STPG2: variants seen among roughly 807,000 people sequenced by gnomAD.
STPG2 encodes the protein sperm-tail PG-rich repeat-containing protein 2.
A neutral mutation model predicts 54.2 loss-of-function variants in STPG2; 56 were observed. The ratio of observed to expected loss-of-function variants is 1.03; its 90% CI spans 0.83 to 1.29. STPG2 has a LOEUF of 1.29. Among genes scored for constraint, STPG2 ranks in the 50% most tolerant of loss-of-function variants. STPG2 has a pLI of 0.00. For missense variants in STPG2, 596 were observed against 544.9 expected, an observed-to-expected ratio of 1.09 and a Z score of -0.93; for synonymous variants, 200 against 181.8, an observed-to-expected ratio of 1.10 and a Z score of -0.81.
chr4:97,964,283 CTG>C (rs1734005843), intron 7 of STPG2, among the ~76,000 whole-genome samples: 1 of 152,122 alleles, frequency 6.6e-6, no homozygotes, highest in South Asian at 2.1e-4. Context: ...GGGAGAAAAA[CTG>C]TGAGTTCTGG....
chr4:97,442,056 T>G (rs1729099313), intron 4 of STPG2, among the ~76,000 whole-genome samples: 2 of 151,970 alleles, frequency 1.3e-5, no homozygotes, highest in African/African-American at 4.8e-5. Flanking sequence ...ATACCTTTTT[T>G]TTCACTAAGC....
At chr4:97,850,465 T>G (rs887151077) in intron 8 of STPG2, among the ~76,000 whole-genome samples, 3 of 151,558 alleles carry the variant, frequency 2.0e-5, no homozygotes, top group Non-Finnish European at 4.4e-5. Flanking sequence ...CATTTTTTTT[T>G]GTTTTGTTTT....
intron 4 of STPG2, among the ~76,000 whole-genome samples, chr4:97,542,661 A>C (rs529344653): frequency 6.6e-6 from 1 of 152,334 alleles, no homozygotes; most frequent in East Asian, 1.9e-4. Flanking sequence ...CTATAAAGAC[A>C]CATGCACACG....
rs1284210510 is a variant in STPG2, at chr4:97,563,832, A to T, written c.1321-4715T>A. ...TTTGTTATAATTTCTGATCTTTTAC[A>T]TTTGCTGAGGAGAGCTTTACTTCTA... On this transcript the variant is annotated intron_variant, in intron 10 of 10. Transcript: ENST00000295268. Among the ~76,000 whole-genome samples the T allele has an allele frequency of 2.0e-5, 3 of 152,182 alleles. 1 individual carries two copies. The East Asian group carries it at 5.8e-4, about 29-fold the overall frequency.
intron 10 of STPG2, among the ~76,000 whole-genome samples, chr4:97,559,974 C>T (rs997480545): frequency 1.3e-5 from 2 of 152,100 alleles, no homozygotes; most frequent in Non-Finnish European, 2.9e-5. Context: ...GTCATTTGTC[C>T]TCCACAAGTC....
At chr4:97,904,806 G>GAA (rs1208577101) in intron 8 of STPG2, among the ~76,000 whole-genome samples, 13 of 152,334 alleles carry the variant, frequency 8.5e-5, no homozygotes, top group African/African-American at 3.1e-4. Context: ...ACTACGTGAA[G>GAA]AATGCAGAAG....
intron 9 of STPG2, among the ~76,000 whole-genome samples, chr4:97,748,172 TTTATTCTTA>T (rs1725477978): frequency 6.6e-6 from 1 of 151,478 alleles, no homozygotes; most frequent in South Asian, 2.1e-4. Flanking sequence ...ACCTGCCTCC[TTTATTCTTA>T]TTGCGGAATC....
At chr4:97,630,973 T>G (rs2148932599) in intron 10 of STPG2, among the ~76,000 whole-genome samples, 1 of 152,032 alleles carries the variant, frequency 6.6e-6, no homozygotes, top group Non-Finnish European at 1.5e-5. Context: ...TGTGGTTCTG[T>G]GATCAGATAA....
chr4:97,962,769 A>C (rs1733936936), intron 7 of STPG2, among the ~76,000 whole-genome samples: 1 of 152,242 alleles, frequency 6.6e-6, no homozygotes, highest in Non-Finnish European at 1.5e-5. Context: ...GCACGAGATC[A>C]GTGGCAGAGC....
At chr4:97,904,959 A>G (rs946298517) in intron 8 of STPG2, among the ~76,000 whole-genome samples, 1 of 152,084 alleles carries the variant, frequency 6.6e-6, no homozygotes, top group Non-Finnish European at 1.5e-5. Flanking sequence ...GACTATGTGA[A>G]AAGACAAAAT....
chr4:97,839,381 A>C (rs1282874689), intron 9 of STPG2, among the ~76,000 whole-genome samples: 2 of 151,642 alleles, frequency 1.3e-5, no homozygotes, highest in East Asian at 3.9e-4. Context: ...TGAAACTCTT[A>C]TTTTGCATTC....
At chr4:97,927,426 C>G (rs764843773) in intron 8 of STPG2, among the ~76,000 whole-genome samples, 4 of 152,090 alleles carry the variant, frequency 2.6e-5, no homozygotes, top group African/African-American at 4.8e-5. Flanking sequence ...GCCTTTCCCA[C>G]TAACCTGATA....
intron 4 of STPG2, among the ~76,000 whole-genome samples, chr4:97,506,434 G>A (rs918503237): frequency 2.6e-5 from 4 of 151,660 alleles, no homozygotes; most frequent in African/African-American, 9.7e-5. Context: ...GCAGAATAAA[G>A]GCAATTCCAG....
At chr4:97,679,140 C>G (rs1303525116) in intron 10 of STPG2, among the ~76,000 whole-genome samples, 1 of 152,086 alleles carries the variant, frequency 6.6e-6, no homozygotes, top group Non-Finnish European at 1.5e-5. Context: ...GGTATATACC[C>G]AGTAATGGGA....
intron 8 of STPG2, among the ~76,000 whole-genome samples, chr4:97,925,981 G>C (rs1732318901): frequency 6.6e-6 from 1 of 152,060 alleles, no homozygotes; most frequent in African/African-American, 2.4e-5. Flanking sequence ...TGATACCTTA[G>C]TGTTCCTTCA....
intron 10 of STPG2, among the ~76,000 whole-genome samples, chr4:97,702,984 G>A (rs1039417335): frequency 2.0e-5 from 3 of 152,090 alleles, no homozygotes; most frequent in Non-Finnish European, 4.4e-5. Flanking sequence ...TGCTTCTGAG[G>A]CTGGGAGTTA....
intron 9 of STPG2, among the ~76,000 whole-genome samples, chr4:97,726,533 G>C (rs938085412): frequency 2.5e-4 from 38 of 152,030 alleles, no homozygotes; most frequent in African/African-American, 6.7e-4. Flanking sequence ...AAATTAAAAA[G>C]TGACAAAATT....
intron 10 of STPG2, among the ~76,000 whole-genome samples, chr4:97,598,555 TA>T (rs35374576): frequency 1.4e-3 from 192 of 137,760 alleles, no homozygotes; most frequent in Middle Eastern, 7.5e-3. Context: ...ATGGTACTGG[TA>T]AAAAAAAAAA....
chr4:98,118,141 G>C (rs893731119), intron 3 of STPG2, among the ~76,000 whole-genome samples: 8 of 152,102 alleles, frequency 5.3e-5, no homozygotes, highest in African/African-American at 1.7e-4. Context: ...AGCCTAATTA[G>C]CTGAGTGGTC....
Sources: gnomAD v4.1 joint callset for allele counts (sites outside exome capture counted in the v4.1 genomes callset) on GRCh38, gnomAD v4.1.1 for gene constraint, MANE v1.5 for transcripts, NCBI Gene and HGNC (gene_info 2026-07-23, HGNC 2026-07-21) for gene names.